Variants in LOC400499 observed in about 807,000 individuals in gnomAD.
At chr16:11,422,463 A>C in the LOC400499 span, among the ~76,000 whole-genome samples, 9 of 152,180 alleles carry the variant, frequency 5.9e-5, no homozygotes, top group African/African-American at 2.2e-4. Context: ...AAAGGAAAGG[A>C]AAACGAAGCA....
the LOC400499 span, among the ~76,000 whole-genome samples, chr16:11,475,346 C>T: frequency 0.59 from 88,953 of 151,854 alleles, 27,386 homozygotes; most frequent in African/African-American, 0.78. Flanking sequence ...AATAAATAAA[C>T]AAATAAATAA....
the LOC400499 span, among the ~76,000 whole-genome samples, chr16:11,383,288 C>T: frequency 9.9e-5 from 15 of 152,252 alleles, no homozygotes; most frequent in South Asian, 4.1e-4. Context: ...AGGATGGTCT[C>T]GATCTCCTGA....
At chr16:11,472,964 C>T in the LOC400499 span, 1 of 151,834 alleles carries the variant, frequency 6.6e-6, no homozygotes, top group Non-Finnish European at 1.5e-5. Context: ...CCTGTCTCTA[C>T]TAAAATTAAA....
the LOC400499 span, chr16:11,390,258 GC>G: frequency 8.1e-7 from 1 of 1,232,562 alleles, no homozygotes; most frequent in Admixed American, 4.2e-5. Flanking sequence ...TGCCAACTAC[GC>G]CCCATCCTTG....
chr16:11,374,370 T>C, the LOC400499 span, among the ~76,000 whole-genome samples: 13 of 152,212 alleles, frequency 8.5e-5, no homozygotes, highest in African/African-American at 2.9e-4. Context: ...ACATTTACCA[T>C]AACCATTTTA....
chr16:11,435,076 C>G, the LOC400499 span, among the ~76,000 whole-genome samples: 1 of 152,190 alleles, frequency 6.6e-6, no homozygotes, highest in East Asian at 1.9e-4. Context: ...AACTCCCAAG[C>G]TCAAGCAATC....
chr16:11,503,700 G>A, the LOC400499 span, among the ~76,000 whole-genome samples: 2 of 152,244 alleles, frequency 1.3e-5, no homozygotes, highest in Non-Finnish European at 2.9e-5. Flanking sequence ...ACCTGCCAAC[G>A]TGTCTGCCCA....
At chr16:11,409,072 C>T in the LOC400499 span, among the ~76,000 whole-genome samples, 1 of 151,722 alleles carries the variant, frequency 6.6e-6, no homozygotes, top group African/African-American at 2.4e-5. Flanking sequence ...ACCAGCCCGG[C>T]CAACGTGGCG....
the LOC400499 span, chr16:11,500,707 GC>G: frequency 2.5e-6 from 1 of 397,404 alleles, no homozygotes; most frequent in East Asian, 3.6e-5. Flanking sequence ...CCTACGAGGG[GC>G]TGGCACAAAA....
the LOC400499 span, among the ~76,000 whole-genome samples, chr16:11,461,345 G>A: frequency 6.6e-5 from 10 of 152,164 alleles, no homozygotes; most frequent in South Asian, 2.1e-4. Context: ...TTAGCCTCCC[G>A]AGTAGCTGGA....
chr16:11,427,422 A>T, the LOC400499 span, among the ~76,000 whole-genome samples: 1 of 149,928 alleles, frequency 6.7e-6, no homozygotes, highest in Non-Finnish European at 1.5e-5. Context: ...AATTAAAGCC[A>T]CAAGGAGAAA....
At chr16:11,399,557 G>A in the LOC400499 span, 1 of 398,792 alleles carries the variant, frequency 2.5e-6, no homozygotes, top group Non-Finnish European at 4.4e-6. Context: ...CTGCGTGAAG[G>A]CCCCGCAGGC....
At chr16:11,390,311 C>A in the LOC400499 span, 1 of 1,233,142 alleles carries the variant, frequency 8.1e-7, no homozygotes, top group Non-Finnish European at 1.0e-6. Flanking sequence ...GCCCCCAGGG[C>A]CGCCCTGATG....
chr16:11,426,773 A>C, the LOC400499 span, among the ~76,000 whole-genome samples: 47 of 151,046 alleles, frequency 3.1e-4, no homozygotes, highest in African/African-American at 1.0e-3. Flanking sequence ...TAAAAAAAAA[A>C]TTATCTGGGC....
At chr16:11,466,547 C>T in the LOC400499 span, among the ~76,000 whole-genome samples, 1 of 152,042 alleles carries the variant, frequency 6.6e-6, no homozygotes, top group African/African-American at 2.4e-5. Context: ...TGCCACCATA[C>T]CCGGCTACTT....
At chr16:11,409,474 G>A in the LOC400499 span, among the ~76,000 whole-genome samples, 1 of 152,102 alleles carries the variant, frequency 6.6e-6, no homozygotes, top group East Asian at 1.9e-4. Flanking sequence ...ATTCTGAGTA[G>A]TTGTAACAGG....
the LOC400499 span, among the ~76,000 whole-genome samples, chr16:11,457,492 C>G: frequency 6.6e-6 from 1 of 150,392 alleles, no homozygotes; most frequent in Non-Finnish European, 1.5e-5. Context: ...ACCTGGGAGG[C>G]TGAGGCAGGA....
At chr16:11,464,426 A>G in the LOC400499 span, among the ~76,000 whole-genome samples, 73,128 of 152,148 alleles carry the variant, frequency 0.48, 18,275 homozygotes, top group African/African-American at 0.56. Flanking sequence ...TTGCAGTTAA[A>G]GAGAACACTA....
chr16:11,403,353 A>G, the LOC400499 span, among the ~76,000 whole-genome samples: 1 of 152,184 alleles, frequency 6.6e-6, no homozygotes, highest in Admixed American at 6.5e-5. Context: ...CCCACCTGCA[A>G]CACTGTCAAC....
Sources: gnomAD v4.1 joint callset for allele counts (sites outside exome capture counted in the v4.1 genomes callset) on GRCh38, gnomAD v4.1.1 for gene constraint, MANE v1.5 for transcripts.